The following POGK variants were observed in gnomAD, a reference collection of about 807,000 sequenced individuals.
The protein encoded by POGK is pogo transposable element with KRAB domain.
A neutral mutation model predicts 54.4 loss-of-function variants in POGK; 16 were observed. The observed-to-expected ratio is 0.29, with a 90% CI of 0.20 to 0.45. POGK has a LOEUF of 0.45. POGK is among the 20% of genes least tolerant of loss of function. POGK has a pLI of 1.00. For missense variants in POGK, 515 were observed against 795.6 expected (o/e 0.65, Z 4.24); for synonymous variants, 271 against 302.2 (o/e 0.90, Z 1.07).
Position 166,847,590 on chromosome 1 carries a change from C to A in POGK, c.356C>A (p.Ala119Glu). 6.2e-7 allele frequency: 1 copy of A among 1,611,346 alleles called. No individual in the cohort carries two copies. ...TGGCAGCTCCAAGGAGGCACCTCTG[C>A]AGGTACTACAAGTAAAGCAGTTCAG... is the stretch of plus-strand genomic sequence containing the variant. The part of the protein sequence containing the change: ...DEWQLQGGTS[A>E]ENEESDVKPP... The change falls in exon 4 of 6, where the codon GCA becomes GAA. Residue 119 changes from alanine to glutamate, a missense_variant and splice_region_variant. Around this residue, in one of 2 missense-constraint regions of POGK, gnomAD observed 461 missense variants for 743.5 expected, o/e 0.62. Transcript: ENST00000367876.
In POGK at chr1:166,849,662, G is replaced by C. The variant is rs1657982054; in HGVS notation, c.1083G>C (p.Gly361=). 6.2e-7 allele frequency: 1 copy of C among 1,614,168 alleles called. No homozygotes were observed. The highest frequency in any genetic ancestry group is 1.3e-5 in the African/African-American group (1 of 74,960). The change falls in exon 5 of 6, where the codon GGG becomes GGC. Residue 361 remains glycine, a synonymous_variant. Coordinates refer to ENST00000367876, the MANE Select transcript of POGK (RefSeq NM_017542.5). ...RAHDYEVAQM[G]NADETPICLE... Reference sequence around the variant, plus strand: ...ATGACTATGAGGTAGCTCAGATGGGGAATGCAGATGAGACGCCCATTTGTT... The same window carrying C: ...ATGACTATGAGGTAGCTCAGATGGGCAATGCAGATGAGACGCCCATTTGTT...
chr1:166,847,237 G>A (rs1657885024), intron 3 of POGK, among the ~76,000 whole-genome samples: 1 of 152,174 alleles, frequency 6.6e-6, no homozygotes, highest in Non-Finnish European at 1.5e-5. Context: ...ATCAGCAGCT[G>A]CATTCACCCT....
intron 3 of POGK, 134 bp downstream of exon 3, chr1:166,846,872 T>C: frequency 8.1e-7 from 1 of 1,228,532 alleles, no homozygotes; most frequent in Non-Finnish European, 1.1e-6. Flanking sequence ...TGTGCCCATT[T>C]ATTCCAATTT....
intron 2 of POGK, among the ~76,000 whole-genome samples, chr1:166,843,994 C>G (rs897907066): frequency 6.6e-6 from 1 of 152,220 alleles, no homozygotes; most frequent in Non-Finnish European, 1.5e-5. Flanking sequence ...GATAAAAGGC[C>G]TCTGTGGAGC....
chr1:166,851,931 A>G (rs1020382419), intron 5 of POGK: 4 of 152,228 alleles, frequency 2.6e-5, no homozygotes, highest in Non-Finnish European at 5.9e-5. Context: ...CTGTGTTTCA[A>G]AGAGTGACTT....
Position 166,850,322 on chromosome 1 carries a change from T to C in POGK, c.1743T>C (p.Asp581=), listed in dbSNP as rs1658007953. 1 of 1,611,772 alleles carries C rather than the reference T, an allele frequency of 6.2e-7. No homozygotes were observed. The highest frequency in any genetic ancestry group is 1.1e-5 in the South Asian group (1 of 90,496). Residue 581 remains aspartate (D), a synonymous_variant, in exon 5 of 6, where the codon GAT becomes GAC. Transcript: ENST00000367876. ...CCAGCAACTTGGAGGAGGAAGACGA[T>C]GTCCTGTGGGAAATCGAGAGTGAGT... ...HISSNLEEED[D]VLWEIESELP... is the part of the protein sequence containing the mutation.
At chr1:166,840,812 C>T in intron 1 of POGK, 143 bp from the exon 2 acceptor site, 1 of 1,015,628 alleles carries the variant, frequency 9.8e-7, no homozygotes, top group Non-Finnish European at 1.4e-6. Flanking sequence ...AGCTTCCTGG[C>T]CGACTCTTGT....
At chr1:166,844,891 G>A (rs938072748) in intron 2 of POGK, among the ~76,000 whole-genome samples, 1 of 152,184 alleles carries the variant, frequency 6.6e-6, no homozygotes, top group Non-Finnish European at 1.5e-5. Flanking sequence ...CGGGAGCAGG[G>A]ATTTTGGGCT....
At position 166,846,605 on chromosome 1, in the gene POGK, C is replaced by T; in HGVS notation, c.133-7C>T. 1 of 1,614,096 alleles carries T rather than the reference C, an allele frequency of 6.2e-7. No homozygotes were observed. Among genetic ancestry groups the T allele is most frequent in the Non-Finnish European group, 8.5e-7 (1 of 1,180,000 alleles). ...TGTCATTGTGAAAGGGCTGTTCACT[C>T]TTCCAGGTACCGGCCCTATTTGATG... is the stretch of plus-strand genomic sequence containing the variant. On this transcript the variant is annotated splice_region_variant and splice_polypyrimidine_tract_variant and intron_variant, in intron 2 of 5. Coordinates refer to ENST00000367876, the MANE Select transcript of POGK (RefSeq NM_017542.5).
In POGK at chr1:166,854,082, TCTTG is replaced by T. The variant is rs1571232957; in HGVS notation, c.*1516_*1519del. 6.6e-6 allele frequency: 1 copy of T among 152,388 alleles called. No homozygotes were observed. The highest frequency in any genetic ancestry group is 1.5e-5 in the Non-Finnish European group (1 of 68,042). The allele number at this position is 152,388 out of a possible 1,614,324, so 9.4% of individuals were successfully genotyped here. Reference sequence around the variant, plus strand: ...TGGCTCTTTCTTCATGTCTTATTTCTCTTGCTTTGGGAGCTTAAAAGATTTTACA... The same window carrying T: ...TGGCTCTTTCTTCATGTCTTATTTCTCTTTGGGAGCTTAAAAGATTTTACA... On this transcript the variant is annotated 3_prime_UTR_variant, in exon 6 of 6. Coordinates refer to ENST00000367876, the MANE Select transcript of POGK (RefSeq NM_017542.5).
chr1:166,841,289 A>G (rs1245237213), intron 2 of POGK, among the ~76,000 whole-genome samples: 1 of 152,228 alleles, frequency 6.6e-6, no homozygotes, highest in Non-Finnish European at 1.5e-5. Flanking sequence ...TCCCTCAGCC[A>G]TGTAGCTTGT....
chr1:166,840,192 C>G (rs1286157473), intron 1 of POGK: 1 of 152,262 alleles, frequency 6.6e-6, no homozygotes, highest in Non-Finnish European at 1.5e-5. Flanking sequence ...CTAGGAATTG[C>G]CCGCGCCCAT....
In POGK at chr1:166,849,701, A is replaced by G; in HGVS notation, c.1122A>G (p.Ser374=). Residue 374 remains serine, a synonymous_variant, in exon 5 of 6, where the codon TCA becomes TCG. Coordinates refer to ENST00000367876, the MANE Select transcript of POGK (RefSeq NM_017542.5). Reference sequence around the variant, plus strand: ...CGCCCATTTGTTTAGAGGTGCCATCACGGGTAACTGTTGATAACCAGGGCG... The same window carrying G: ...CGCCCATTTGTTTAGAGGTGCCATCGCGGGTAACTGTTGATAACCAGGGCG... ...DETPICLEVP[S]RVTVDNQGEK... is the part of the protein sequence containing the mutation. 1 of 1,614,296 alleles carries G rather than the reference A, an allele frequency of 6.2e-7. No individual in the cohort carries two copies. The highest frequency in any genetic ancestry group is 2.2e-5 in the East Asian group (1 of 44,884).
intron 2 of POGK, 26 bp from the exon 3 acceptor site, chr1:166,846,586 T>A: frequency 6.2e-7 from 1 of 1,613,752 alleles, no homozygotes; most frequent in Non-Finnish European, 8.5e-7. Context: ...TGTTTGTCAT[T>A]GTGAAAGGGC....
rs1038708063 is a variant in POGK, at chr1:166,855,825, T to C, written c.*3255T>C. 2.6e-5 allele frequency: 4 copies of C among 152,226 alleles called. No homozygotes were observed. The highest frequency in any genetic ancestry group is 4.4e-5 in the Non-Finnish European group (3 of 68,050). The allele number at this position is 152,226 out of a possible 1,614,324, so 9.4% of individuals were successfully genotyped here. A position where few individuals can be genotyped will look rare whatever the true frequency, so the allele number is the denominator to read the frequency against. On this transcript the variant is annotated 3_prime_UTR_variant, in exon 6 of 6. Coordinates refer to ENST00000367876, the MANE Select transcript of POGK (RefSeq NM_017542.5). ...AGCTGCCTCTCCATCTATGGAACTA[T>C]GAAATTTCACACATATTCCCTAGGC...
rs1371891254 is a variant in POGK at position 166,856,117 on chromosome 1, C to G, written c.*3547C>G. The G allele has an allele frequency of 6.6e-6, 1 of 151,712 alleles. No individual in the cohort carries two copies. Among genetic ancestry groups the G allele is most frequent in the African/African-American group, 2.4e-5 (1 of 41,238 alleles). The allele number at this position is 151,712 out of a possible 1,614,324, so 9.4% of individuals were successfully genotyped here. The stretch of plus-strand genomic sequence containing the variant: ...GGCCAAGGTGGGCAGACTGCTTGAG[C>G]TCAGGAGTTCATTACCAGTCTGGGC... On this transcript the variant is annotated 3_prime_UTR_variant, in exon 6 of 6. Coordinates refer to ENST00000367876, the MANE Select transcript of POGK (RefSeq NM_017542.5).
intron 4 of POGK, among the ~76,000 whole-genome samples, chr1:166,848,653 G>A (rs764243402): frequency 7.9e-5 from 12 of 152,138 alleles, no homozygotes; most frequent in Non-Finnish European, 1.3e-4. Flanking sequence ...GCCACTTTCT[G>A]GCTTGGCTAC....
intron 2 of POGK, among the ~76,000 whole-genome samples, chr1:166,842,745 G>A (rs570653405): frequency 6.6e-6 from 1 of 152,154 alleles, no homozygotes; most frequent in South Asian, 2.1e-4. Flanking sequence ...CTGACTTGGT[G>A]GGGGTGCGTT....
At chr1:166,847,011 T>C (rs949113997) in intron 3 of POGK, among the ~76,000 whole-genome samples, 2 of 152,198 alleles carry the variant, frequency 1.3e-5, no homozygotes, top group African/African-American at 4.8e-5. Context: ...AATGTCACCA[T>C]GGATCTGGGC....
Sources: gnomAD v4.1 joint callset for allele counts (sites outside exome capture counted in the v4.1 genomes callset) on GRCh38, gnomAD v4.1.1 for gene constraint, gnomAD v4.1.1 regional missense constraint, MANE v1.5 for transcripts, NCBI Gene and HGNC (gene_info 2026-07-23, HGNC 2026-07-21) for gene names.